APP: variants seen among roughly 807,000 people sequenced by gnomAD.
APP encodes amyloid-beta precursor protein.
In APP, 31 loss-of-function variants were observed where a neutral mutation model predicts 101.4. The observed-to-expected ratio is 0.31, with a 90% CI of 0.23 to 0.41. The LOEUF is 0.41. APP is among the 10% of genes least tolerant of loss of function. The pLI is 1.00. For missense variants in APP, 839 were observed against 1,003.7 expected (o/e 0.84, Z 2.22); for synonymous variants, 366 against 364.4 (o/e 1.00, Z -0.05).
chr21:26,087,861 A>T (rs2061733853), intron 3 of APP, among the ~76,000 whole-genome samples: 1 of 152,234 alleles, frequency 6.6e-6, no homozygotes. Context: ...GCAGTGTAGC[A>T]CAACAAATAC....
intron 11 of APP, among the ~76,000 whole-genome samples, chr21:25,970,954 C>A (rs1601070996): frequency 1.3e-5 from 2 of 152,292 alleles, no homozygotes; most frequent in Admixed American, 1.3e-4. Flanking sequence ...GCATAAAATG[C>A]ACAAACAATT....
At chr21:26,165,114 A>T (rs1019744259) in intron 1 of APP, among the ~76,000 whole-genome samples, 7 of 151,610 alleles carry the variant, frequency 4.6e-5, no homozygotes, top group Admixed American at 3.9e-4. Flanking sequence ...AATTTAGATC[A>T]AACTCATAGA....
At chr21:25,916,454 G>T (rs1281807312) in intron 13 of APP, among the ~76,000 whole-genome samples, 2 of 152,186 alleles carry the variant, frequency 1.3e-5, no homozygotes, top group Non-Finnish European at 2.9e-5. Context: ...TTACACACTG[G>T]CACTGGGCAA....
chr21:26,067,875 T>G (rs1478298011), intron 3 of APP, among the ~76,000 whole-genome samples: 1 of 151,980 alleles, frequency 6.6e-6, no homozygotes, highest in African/African-American at 2.4e-5. Context: ...GTATTCTCAC[T>G]GGTTGCTTTC....
At chr21:26,097,027 GC>G (rs2061957823) in intron 2 of APP, among the ~76,000 whole-genome samples, 1 of 152,190 alleles carries the variant, frequency 6.6e-6, no homozygotes, top group African/African-American at 2.4e-5. Context: ...TCTAGGAGAT[GC>G]CTTGTCCCCT....
chr21:26,027,826 G>A (rs1235838025), intron 5 of APP, among the ~76,000 whole-genome samples: 1 of 152,028 alleles, frequency 6.6e-6, no homozygotes, highest in Non-Finnish European at 1.5e-5. Flanking sequence ...GCAGCTAAAG[G>A]CATAAGCCCA....
chr21:25,891,072 C>A (rs565725703), intron 17 of APP, among the ~76,000 whole-genome samples: 1 of 152,160 alleles, frequency 6.6e-6, no homozygotes, highest in Non-Finnish European at 1.5e-5. Context: ...ATAACTTATT[C>A]GTAAATTTTC....
intron 13 of APP, among the ~76,000 whole-genome samples, chr21:25,915,501 T>A (rs1789068900): frequency 1.3e-5 from 2 of 152,254 alleles, no homozygotes; most frequent in Admixed American, 1.3e-4. Flanking sequence ...TTTCAGCCTC[T>A]CGTATTATCA....
rs894771286 is a variant in APP at position 25,921,020 on chromosome 21, C to A, written c.1688-9058G>T. 1.6e-4 allele frequency among the ~76,000 whole-genome samples: 23 copies of A among 146,868 alleles called. 1 individual carries two copies. In the East Asian group the frequency reaches 4.1e-3, roughly 26 times the overall value. On this transcript the variant is annotated intron_variant, in intron 13 of 17. Transcript: ENST00000346798. ...AAATGTAAAAGAACAGAAATTATAACAAACTATCTCTCCGACCACAGTGCA... is the reference window on the plus strand; with the variant it reads ...AAATGTAAAAGAACAGAAATTATAAAAAACTATCTCTCCGACCACAGTGCA...
chr21:26,152,263 C>T (rs1417401669), intron 1 of APP, among the ~76,000 whole-genome samples: 17 of 108,872 alleles, frequency 1.6e-4, no homozygotes, highest in Middle Eastern at 8.8e-3. Flanking sequence ...CCAGTCTGGG[C>T]GACAGAGCAA....
chr21:26,056,868 A>G (rs1273064117), intron 3 of APP, among the ~76,000 whole-genome samples: 1 of 152,242 alleles, frequency 6.6e-6, no homozygotes, highest in African/African-American at 2.4e-5. Flanking sequence ...TTAAAATTTG[A>G]TGAAACATGT....
chr21:25,987,835 T>C (rs983641210), intron 8 of APP, among the ~76,000 whole-genome samples: 3 of 152,152 alleles, frequency 2.0e-5, no homozygotes, highest in Admixed American at 6.6e-5. Context: ...CCTTATTATA[T>C]GTGAGGCACA....
chr21:25,995,132 C>T (rs563534935), intron 8 of APP, among the ~76,000 whole-genome samples: 1 of 152,216 alleles, frequency 6.6e-6, no homozygotes, highest in African/African-American at 2.4e-5. Context: ...GTGGTAGTTA[C>T]GTGTACAGCA....
At chr21:25,902,188 T>C (rs1228681743) in intron 15 of APP, among the ~76,000 whole-genome samples, 2 of 152,294 alleles carry the variant, frequency 1.3e-5, no homozygotes, top group Middle Eastern at 3.4e-3. Context: ...ACAAAAACCT[T>C]TTTTTAACTT....
intron 2 of APP, among the ~76,000 whole-genome samples, chr21:26,095,798 G>A (rs566005027): frequency 2.0e-5 from 3 of 152,288 alleles, no homozygotes; most frequent in African/African-American, 7.2e-5. Context: ...AAACATACAT[G>A]TATTGCTAAT....
intron 11 of APP, among the ~76,000 whole-genome samples, chr21:25,966,673 A>G (rs982368564): frequency 1.3e-5 from 2 of 152,212 alleles, no homozygotes; most frequent in Non-Finnish European, 2.9e-5. Context: ...CATATATTTT[A>G]TAAGATAATT....
chr21:26,021,755 T>A, intron 6 of APP, 85 bp downstream of exon 6: 1 of 1,525,834 alleles, frequency 6.6e-7, no homozygotes, highest in South Asian at 1.2e-5. Context: ...GGGAAGGCAG[T>A]GGTGCTAGGG....
At chr21:26,137,993 T>C (rs11702016) in intron 1 of APP, among the ~76,000 whole-genome samples, 55,632 of 151,678 alleles carry the variant, frequency 0.37, 11,002 homozygotes, top group African/African-American at 0.54. Context: ...AGGTATTTTT[T>C]GTGGTTCTAA....
chr21:26,019,859 C>T (rs115781465), intron 6 of APP, among the ~76,000 whole-genome samples: 171 of 152,314 alleles, frequency 1.1e-3, no homozygotes, highest in African/African-American at 3.3e-3. Flanking sequence ...CCAGATCTGC[C>T]ATAGTTGGTC....
Sources: allele counts gnomAD v4.1 joint callset (sites outside exome capture counted in the v4.1 genomes callset), GRCh38; gene constraint gnomAD v4.1.1; transcripts MANE v1.5; gene names NCBI Gene and HGNC (gene_info 2026-07-23, HGNC 2026-07-21).